GNG7: variants seen among roughly 807,000 people sequenced by gnomAD.
GNG7 encodes the protein guanine nucleotide-binding protein G(I)/G(S)/G(O) subunit gamma-7.
GNG7 carries 1 observed loss-of-function variant against 4.0 expected under a neutral mutation model. That is an observed-to-expected ratio of 0.25 (90% confidence interval 0.09 to 1.18). The LOEUF is 1.18. Among genes scored for constraint, GNG7 ranks in the 50% most tolerant of loss-of-function variants. The pLI is 0.50. For synonymous variants in GNG7, 34 were observed against 36.9 expected (o/e 0.92, Z 0.29); for missense variants, 86 against 91.9 (o/e 0.94, Z 0.26).
In GNG7 at chr19:2,547,118, G is replaced by A. The variant is rs971317565; in HGVS notation, c.-38+8031C>T. Among the ~76,000 whole-genome samples the A allele has an allele frequency of 4.9e-5, 7 of 141,508 alleles. No homozygotes were observed. In the South Asian group the frequency reaches 9.0e-4, roughly 18 times the overall value. 92.8% of individuals were successfully genotyped at this position (141,508 alleles called of 152,430 possible). On this transcript the variant is annotated intron_variant, in intron 3 of 4. Transcript: ENST00000382159. ...CCTACACATCCTGCAAAGCCCCACC[G>A]ATGTCATCCCCTCTGAGAAGCCCCT...
chr19:2,627,286 A>C (rs1027102600), intron 2 of GNG7, among the ~76,000 whole-genome samples: 1 of 152,072 alleles, frequency 6.6e-6, no homozygotes, highest in South Asian at 2.1e-4. Flanking sequence ...GGACACTGTC[A>C]GCACCCTGCA....
intron 3 of GNG7, among the ~76,000 whole-genome samples, chr19:2,539,323 T>TGGG: frequency 6.8e-6 from 1 of 147,704 alleles, no homozygotes; most frequent in African/African-American, 2.5e-5. Context: ...TTTTTTTTTT[T>TGGG]GGATGGTGTT....
chr19:2,661,302 G>GAAAGAAAGAAAAAGAAAGAAAGAAAGAA lies in GNG7; in HGVS notation c.-134-15023_-134-15022insTTCTTTCTTTCTTTCTTTTTCTTTCTTT. On this transcript the variant is annotated intron_variant, in intron 1 of 4. Coordinates refer to ENST00000382159, the MANE Select transcript of GNG7 (RefSeq NM_052847.3). ...AGAAAGAAAGAAAGAAAGAAAGAAAGAGAAAGAAAGAAAGAAAGAAAGAAA... is the reference window on the plus strand; with the variant it reads ...AGAAAGAAAGAAAGAAAGAAAGAAAGAAAGAAAGAAAAAGAAAGAAAGAAAGAAAGAAAGAAAGAAAGAAAGAAAGAAA... Among the ~76,000 whole-genome samples the GAAAGAAAGAAAAAGAAAGAAAGAAAGAA allele has an allele frequency of 4.9e-4, 36 of 73,116 alleles. 2 individuals carry two copies. The highest frequency in any genetic ancestry group is 1.4e-3 in the Admixed American group (9 of 6,554). The allele number at this position is 73,116 out of a possible 152,430, so 48.0% of individuals were successfully genotyped here. A position where few individuals can be genotyped will look rare whatever the true frequency, so the allele number is the denominator to read the frequency against.
chr19:2,555,481 C>G (rs1044181563), intron 2 of GNG7, among the ~76,000 whole-genome samples: 1 of 152,198 alleles, frequency 6.6e-6, no homozygotes, highest in African/African-American at 2.4e-5. Context: ...AGCCCCAACC[C>G]CACAGTCAAA....
At chr19:2,621,188 A>G (rs1981858701) in intron 2 of GNG7, among the ~76,000 whole-genome samples, 1 of 151,936 alleles carries the variant, frequency 6.6e-6, no homozygotes, top group African/African-American at 2.4e-5. Context: ...TCCACGGGGA[A>G]CCTCGGAAAA....
intron 2 of GNG7, among the ~76,000 whole-genome samples, chr19:2,579,537 C>T (rs1249678215): frequency 6.6e-6 from 1 of 152,244 alleles, no homozygotes; most frequent in Non-Finnish European, 1.5e-5. Context: ...TGAGCGTTTT[C>T]CTCTGAGGTC....
At chr19:2,702,215 C>T (rs1376133722) in intron 1 of GNG7, among the ~76,000 whole-genome samples, 3 of 150,116 alleles carry the variant, frequency 2.0e-5, no homozygotes, top group African/African-American at 7.4e-5. Context: ...ATCCCACCTC[C>T]AGCCCCCTCC....
chr19:2,661,685 AAAAAAAGGAAGGAAGGAAGG>A (rs1983184418), intron 1 of GNG7, among the ~76,000 whole-genome samples: 4 of 142,284 alleles, frequency 2.8e-5, no homozygotes, highest in African/African-American at 1.2e-4. Flanking sequence ...AAAAAAAAAA[AAAAAAAGGAAGGAAGGAAGG>A]AAAAAAGGAA....
intron 2 of GNG7, among the ~76,000 whole-genome samples, chr19:2,613,232 G>A (rs1382507874): frequency 6.6e-6 from 1 of 152,178 alleles, no homozygotes; most frequent in African/African-American, 2.4e-5. Flanking sequence ...CACCTACGTT[G>A]AATTAGGTGA....
At chr19:2,684,430 C>T (rs1017004901) in intron 1 of GNG7, among the ~76,000 whole-genome samples, 7 of 151,790 alleles carry the variant, frequency 4.6e-5, no homozygotes, top group Admixed American at 1.3e-4. Flanking sequence ...CCACCGTGCC[C>T]GGCCCGCACC....
Position 2,642,604 on chromosome 19 carries a change from G to A in GNG7, c.-78+3620C>T, listed in dbSNP as rs1300901416. On this transcript the variant is annotated intron_variant, in intron 2 of 4. Transcript: ENST00000382159. ...TGGTCTCAAACTCTCAGGCTCAAAC[G>A]ATCCTCCCCACTTCAGCCCCCCACT... 3 of 361,716 alleles carry A rather than the reference G, an allele frequency of 8.3e-6. No homozygotes were observed. The East Asian group carries it at 2.2e-4, about 27-fold the overall frequency. 22.4% of individuals were successfully genotyped at this position (361,716 alleles called of 1,614,324 possible).
At chr19:2,622,001 TC>T (rs1981885663) in intron 2 of GNG7, among the ~76,000 whole-genome samples, 1 of 151,818 alleles carries the variant, frequency 6.6e-6, no homozygotes, top group East Asian at 1.9e-4. Context: ...CCCTTTTCTC[TC>T]CCCTTCCTTC....
chr19:2,685,893 GC>G (rs1983858758), intron 1 of GNG7, among the ~76,000 whole-genome samples: 1 of 152,098 alleles, frequency 6.6e-6, no homozygotes, highest in African/African-American at 2.4e-5. Flanking sequence ...AAAACAAAGG[GC>G]CCCATTCACT....
At chr19:2,523,261 G>A (rs1175873253) in intron 3 of GNG7, among the ~76,000 whole-genome samples, 1 of 151,772 alleles carries the variant, frequency 6.6e-6, no homozygotes, top group Non-Finnish European at 1.5e-5. Flanking sequence ...CTGTATAAAA[G>A]GGCAACACAG....
Position 2,513,063 on chromosome 19 carries a change from G to C in GNG7, c.*1959C>G. On this transcript the variant is annotated 3_prime_UTR_variant, in exon 5 of 5. Coordinates refer to ENST00000382159, the MANE Select transcript of GNG7 (RefSeq NM_052847.3). ...TGCCGTAGAGAGCTGGGTGCCGGGG[G>C]TGGGGAGCCCGGCTGTGGCCTGTGG... The C allele has an allele frequency of 1.0e-6, 1 of 985,594 alleles. No homozygotes were observed. The highest frequency in any genetic ancestry group is 4.7e-5 in the South Asian group (1 of 21,292). 61.1% of individuals were successfully genotyped at this position (985,594 alleles called of 1,614,324 possible).
chr19:2,577,658 G>A (rs963000112), intron 2 of GNG7, among the ~76,000 whole-genome samples: 2 of 135,734 alleles, frequency 1.5e-5, no homozygotes, highest in African/African-American at 5.6e-5. Context: ...CCGAGATCAC[G>A]CCACTGCACT....
Position 2,515,001 on chromosome 19 carries a change from A to AGC in GNG7, c.*20_*21insGC. The AGC allele has an allele frequency of 6.3e-7, 1 of 1,595,648 alleles. No individual in the cohort carries two copies. Among genetic ancestry groups the AGC allele is most frequent in the Non-Finnish European group, 8.6e-7 (1 of 1,163,534 alleles). On this transcript the variant is annotated 3_prime_UTR_variant, in exon 5 of 5. Coordinates refer to ENST00000382159, the MANE Select transcript of GNG7 (RefSeq NM_052847.3). ...GAGAGAGAGAAAGAGAGAGAGAGAG[A>AGC]GAGAACATATGAGAACACAGTTATA...
Position 2,633,491 on chromosome 19 carries a change from A to G in GNG7, c.-78+12733T>C, listed in dbSNP as rs993024221. Among the ~76,000 whole-genome samples, 2,644 of 82,566 alleles carry G rather than the reference A, an allele frequency of 0.032. 36 individuals carry two copies. Among genetic ancestry groups the G allele is most frequent in the Middle Eastern group, 0.11 (19 of 180 alleles). 54.2% of individuals were successfully genotyped at this position (82,566 alleles called of 152,430 possible). A position where few individuals can be genotyped will look rare whatever the true frequency, so the allele number is the denominator to read the frequency against. ...AACAGGCGCGCGCGCGCGCGCGCAC[A>G]CACACACACACACACACACACACAC... is the stretch of plus-strand genomic sequence containing the variant. On this transcript the variant is annotated intron_variant, in intron 2 of 4. Coordinates refer to ENST00000382159, the MANE Select transcript of GNG7 (RefSeq NM_052847.3). This position sits in a 1 kb window ranked among gnomAD's most constrained non-coding sequence, Gnocchi z 5.9.
At chr19:2,588,378 C>T (rs1322041135) in intron 2 of GNG7, among the ~76,000 whole-genome samples, 2 of 152,186 alleles carry the variant, frequency 1.3e-5, no homozygotes, top group Non-Finnish European at 2.9e-5. Flanking sequence ...TAAACCAGCA[C>T]GACGCGGCTC....
Sources: gnomAD v4.1 joint callset for allele counts (sites outside exome capture counted in the v4.1 genomes callset) on GRCh38, gnomAD v4.1.1 for gene constraint, Gnocchi (gnomAD v3.1) non-coding constraint, MANE v1.5 for transcripts, NCBI Gene and HGNC (gene_info 2026-07-23, HGNC 2026-07-21) for gene names.